RBFOX1: variants seen among roughly 807,000 people sequenced by gnomAD.
RBFOX1 encodes RNA binding fox-1 homolog 1.
In RBFOX1, 8 loss-of-function variants were observed where a neutral mutation model predicts 57.7. The observed-to-expected ratio is 0.14, with a 90% CI of 0.08 to 0.25. RBFOX1 has a LOEUF of 0.25. Among genes scored for constraint, RBFOX1 ranks in the 10% least tolerant of loss-of-function variants. The probability of loss-of-function intolerance (pLI) is 1.00; values close to 1 mark genes in which losing one functional copy is unlikely to be tolerated. For missense variants in RBFOX1, 611 were observed against 548.5 expected (o/e 1.11, Z -1.14); for synonymous variants, 326 against 222.4 (o/e 1.47, Z -4.15).
At chr16:7,184,226 G>A (rs1602164220) in intron 4 of RBFOX1, among the ~76,000 whole-genome samples, 3 of 152,332 alleles carry the variant, frequency 2.0e-5, no homozygotes, top group Admixed American at 1.3e-4. Flanking sequence ...GGCAGATCAA[G>A]GAGGACTTCT....
chr16:7,296,312 T>A lies in RBFOX1; in HGVS notation c.28-221835T>A, dbSNP rs1394707293. ...GTAAAATGCTGTTTCTTTTATTAAA[T>A]GCTTATGACAGTAGACAGTGTATGT... On this transcript the variant is annotated intron_variant, in intron 4 of 15. Coordinates refer to ENST00000550418, the MANE Select transcript of RBFOX1 (RefSeq NM_018723.4). Among the ~76,000 whole-genome samples the A allele has an allele frequency of 1.3e-5, 2 of 151,168 alleles. 1 individual carries two copies.
At chr16:5,409,209 C>G (rs2066946252) in intron 1 of RBFOX1, among the ~76,000 whole-genome samples, 1 of 152,224 alleles carries the variant, frequency 6.6e-6, no homozygotes, top group Non-Finnish European at 1.5e-5. Flanking sequence ...TAAATGGCCA[C>G]AGACGATCAG....
At chr16:6,988,250 C>T (rs11859060) in intron 3 of RBFOX1, among the ~76,000 whole-genome samples, 3,451 of 152,206 alleles carry the variant, frequency 0.023, 135 homozygotes, top group African/African-American at 0.079. Context: ...TTTTTCCAGG[C>T]AGGACTTTCT....
At chr16:5,394,434 G>T (rs2066494059) in intron 1 of RBFOX1, among the ~76,000 whole-genome samples, 1 of 151,934 alleles carries the variant, frequency 6.6e-6, no homozygotes, top group South Asian at 2.1e-4. Context: ...CTTTTCTGAT[G>T]ATCCATTTCT....
At chr16:5,411,508 A>G (rs760950044) in intron 1 of RBFOX1, among the ~76,000 whole-genome samples, 1 of 152,200 alleles carries the variant, frequency 6.6e-6, no homozygotes, top group Non-Finnish European at 1.5e-5. Flanking sequence ...TAGGCCAGTG[A>G]GTCTTATTTT....
At chr16:6,788,766 T>C (rs1310793719) in intron 3 of RBFOX1, among the ~76,000 whole-genome samples, 1 of 151,826 alleles carries the variant, frequency 6.6e-6, no homozygotes, top group Non-Finnish European at 1.5e-5. Flanking sequence ...TGAGCGACCG[T>C]GCCCGGCCCC....
At chr16:6,929,031 G>C (rs950247434) in intron 3 of RBFOX1, among the ~76,000 whole-genome samples, 5 of 152,168 alleles carry the variant, frequency 3.3e-5, no homozygotes, top group African/African-American at 7.2e-5. Flanking sequence ...CAAGGGAGCA[G>C]ATGTGAGCCA....
At chr16:7,253,814 T>A (rs1225477181) in intron 4 of RBFOX1, among the ~76,000 whole-genome samples, 1 of 152,146 alleles carries the variant, frequency 6.6e-6, no homozygotes, top group Non-Finnish European at 1.5e-5. Context: ...TTTCCTTGTG[T>A]CTCCAACACT....
intron 1 of RBFOX1, among the ~76,000 whole-genome samples, chr16:6,194,313 G>A (rs1252711955): frequency 2.0e-5 from 3 of 152,072 alleles, no homozygotes; most frequent in East Asian, 1.9e-4. Flanking sequence ...CTGCTGCAAC[G>A]AGCTTCTAAT....
chr16:7,653,736 TCCCGGGGCAGTTCC>T, intron 11 of RBFOX1, 65 bp from the exon 12 acceptor site: 1 of 1,585,874 alleles, frequency 6.3e-7, no homozygotes, highest in South Asian at 1.1e-5. Context: ...GGACAAGGGT[TCCCGGGGCAGTTCC>T]CTCCACAGCA....
At chr16:5,537,225 G>A (rs1369967813) in intron 2 of RBFOX1, among the ~76,000 whole-genome samples, 1 of 152,128 alleles carries the variant, frequency 6.6e-6, no homozygotes, top group Non-Finnish European at 1.5e-5. Context: ...ATCTGTTCAA[G>A]GCGATCTCAG....
At chr16:6,626,273 G>A (rs1442084397) in intron 2 of RBFOX1, among the ~76,000 whole-genome samples, 1 of 151,648 alleles carries the variant, frequency 6.6e-6, no homozygotes, top group Non-Finnish European at 1.5e-5. Context: ...TCCTTTAAGT[G>A]TTGGCCATGT....
At chr16:5,298,263 C>A (rs925722238) in intron 1 of RBFOX1, among the ~76,000 whole-genome samples, 4 of 152,118 alleles carry the variant, frequency 2.6e-5, no homozygotes, top group Non-Finnish European at 5.9e-5. Context: ...AAATAAAATA[C>A]ATTGTAGGCA....
chr16:5,801,102 G>A (rs935081929), intron 3 of RBFOX1, among the ~76,000 whole-genome samples: 1 of 152,132 alleles, frequency 6.6e-6, no homozygotes. Flanking sequence ...GAGTGTGTAC[G>A]GAAGTGGAGC....
intron 3 of RBFOX1, among the ~76,000 whole-genome samples, chr16:6,682,057 A>G (rs9937321): frequency 0.23 from 35,718 of 152,130 alleles, 4,515 homozygotes; most frequent in East Asian, 0.35. Context: ...TATCTACTGG[A>G]TCCAGTTTGT....
At chr16:7,297,170 C>A (rs1412893535) in intron 4 of RBFOX1, among the ~76,000 whole-genome samples, 2 of 152,140 alleles carry the variant, frequency 1.3e-5, no homozygotes, top group Non-Finnish European at 2.9e-5. Flanking sequence ...GGAGGGAAGG[C>A]AGTTTGGGCC....
intron 14 of RBFOX1, among the ~76,000 whole-genome samples, chr16:7,685,833 T>A (rs1337010885): frequency 6.6e-6 from 1 of 152,064 alleles, no homozygotes; most frequent in Non-Finnish European, 1.5e-5. Flanking sequence ...AGATTTGAAA[T>A]CAGATCTTTT....
chr16:6,284,703 G>A (rs1189556736), intron 1 of RBFOX1, among the ~76,000 whole-genome samples: 2 of 152,154 alleles, frequency 1.3e-5, no homozygotes, highest in South Asian at 2.1e-4. Context: ...ATTCAATCAC[G>A]GTGCAGAATA....
intron 2 of RBFOX1, among the ~76,000 whole-genome samples, chr16:6,453,395 G>T (rs9932040): frequency 1.3e-5 from 2 of 152,098 alleles, no homozygotes; most frequent in Non-Finnish European, 2.9e-5. Flanking sequence ...AGTTTGCTGA[G>T]AATGATGGTC....
Sources: allele counts gnomAD v4.1 joint callset (sites outside exome capture counted in the v4.1 genomes callset), GRCh38; gene constraint gnomAD v4.1.1; transcripts MANE v1.5; gene names NCBI Gene and HGNC (gene_info 2026-07-23, HGNC 2026-07-21).